The following ADGRA3 variants were observed in gnomAD, a reference collection of about 807,000 sequenced individuals.
ADGRA3 encodes adhesion G protein-coupled receptor A3, also known as G-protein coupled receptor 125.
A neutral mutation model predicts 119.8 loss-of-function variants in ADGRA3; 56 were observed. The ratio of observed to expected loss-of-function variants is 0.47; its 90% CI spans 0.38 to 0.58. The LOEUF (loss-of-function observed/expected upper bound fraction) is 0.58, where lower values mean the gene tolerates loss of function less well. Ranked by LOEUF, ADGRA3 falls within the 20% of genes least tolerant of loss-of-function variation. ADGRA3 has a pLI of 0.00. For missense variants in ADGRA3, 1,516 were observed against 1,649.0 expected (o/e 0.92, Z 1.40); for synonymous variants, 607 against 623.8 (o/e 0.97, Z 0.40).
intron 1 of ADGRA3, among the ~76,000 whole-genome samples, chr4:22,504,111 C>G (rs1577388393): frequency 6.6e-6 from 1 of 151,986 alleles, no homozygotes. Context: ...ATTTAGCCTT[C>G]TGTGTGTGTG....
intron 14 of ADGRA3, among the ~76,000 whole-genome samples, chr4:22,409,107 C>G (rs567772098): frequency 6.6e-6 from 1 of 152,286 alleles, no homozygotes; most frequent in African/African-American, 2.4e-5. Flanking sequence ...CAGGAACTGA[C>G]TAGAGAGAAA....
chr4:22,437,453 A>G (rs1287569543), intron 8 of ADGRA3, among the ~76,000 whole-genome samples: 5 of 152,208 alleles, frequency 3.3e-5, no homozygotes, highest in Admixed American at 1.3e-4. Context: ...AAACTGGGTA[A>G]TAAACAATCT....
chr4:22,411,956 C>CA (rs1715221684), intron 14 of ADGRA3, among the ~76,000 whole-genome samples: 1 of 150,064 alleles, frequency 6.7e-6, no homozygotes, highest in East Asian at 2.0e-4. Flanking sequence ...ACAACAACAA[C>CA]AACAAAAAAA....
intron 1 of ADGRA3, among the ~76,000 whole-genome samples, chr4:22,483,962 AAACTTC>A (rs1333659008): frequency 1.3e-5 from 2 of 149,770 alleles, no homozygotes; most frequent in Non-Finnish European, 3.0e-5. Flanking sequence ...AAAAACAGTT[AAACTTC>A]CAATGATGCA....
Position 22,388,839 on chromosome 4 carries a change from T to C in ADGRA3, c.2832A>G (p.Arg944=). 6.2e-7 allele frequency: 1 copy of C among 1,614,074 alleles called. No individual in the cohort carries two copies. Among genetic ancestry groups the C allele is most frequent in the Non-Finnish European group, 8.5e-7 (1 of 1,179,978 alleles). Residue 944 remains arginine (R), a synonymous_variant, in exon 19 of 19, where the codon AGA becomes AGG. Coordinates refer to ENST00000334304, the MANE Select transcript of ADGRA3 (RefSeq NM_145290.4). The part of the protein sequence containing the change: ...YFLSIFIQLK[R]HPERKYELKE... ...TAAGCTCATATTTGCGCTCAGGGTGTCTTTTCAACTGAATAAATATGCTCA... is the reference window on the plus strand; with the variant it reads ...TAAGCTCATATTTGCGCTCAGGGTGCCTTTTCAACTGAATAAATATGCTCA...
intron 4 of ADGRA3, among the ~76,000 whole-genome samples, chr4:22,449,905 T>C (rs1331091432): frequency 1.3e-5 from 2 of 152,042 alleles, no homozygotes; most frequent in Admixed American, 1.3e-4. Flanking sequence ...ATATGCATAT[T>C]ATTAGATATT....
chr4:22,388,767 G>T lies in ADGRA3; in HGVS notation c.2904C>A (p.Gly968=). The change falls in exon 19 of 19, where the codon GGC becomes GGA. Residue 968 remains glycine, a synonymous_variant. Transcript: ENST00000334304. ...ACATTGAATCCTGATGATTTATTTCGCCATTTTCATTGGCTGCCAATCTCT... is the reference window on the plus strand; with the variant it reads ...ACATTGAATCCTGATGATTTATTTCTCCATTTTCATTGGCTGCCAATCTCT... The part of the protein sequence containing the change: ...EQQRLAANEN[G]EINHQDSMSL... The T allele has an allele frequency of 6.2e-7, 1 of 1,613,920 alleles. No homozygotes were observed. The highest frequency in any genetic ancestry group is 8.5e-7 in the Non-Finnish European group (1 of 1,179,880).
At chr4:22,492,889 C>G (rs1718681061) in intron 1 of ADGRA3, among the ~76,000 whole-genome samples, 1 of 152,208 alleles carries the variant, frequency 6.6e-6, no homozygotes, top group Non-Finnish European at 1.5e-5. Flanking sequence ...CATATATTTA[C>G]AAGTGTGCAT....
Position 22,417,841 on chromosome 4 carries a change from C to T in ADGRA3, c.1809+3045G>A, listed in dbSNP as rs558686053. 4.6e-5 allele frequency among the ~76,000 whole-genome samples: 7 copies of T among 152,110 alleles called. No individual in the cohort carries two copies. In the South Asian group the frequency reaches 1.2e-3, roughly 27 times the overall value. ...GGGATGGACTGGAAAAGTGCAAAAACGAAGGCAGGAAGCAAGAAGATGCAT... is the reference window on the plus strand; with the variant it reads ...GGGATGGACTGGAAAAGTGCAAAAATGAAGGCAGGAAGCAAGAAGATGCAT... On this transcript the variant is annotated intron_variant, in intron 12 of 18. Transcript: ENST00000334304.
intron 1 of ADGRA3, among the ~76,000 whole-genome samples, chr4:22,505,776 G>C (rs1719215784): frequency 6.6e-6 from 1 of 152,096 alleles, no homozygotes; most frequent in Non-Finnish European, 1.5e-5. Flanking sequence ...CTAACCGAGG[G>C]GAGGTATGAC....
intron 1 of ADGRA3, among the ~76,000 whole-genome samples, chr4:22,482,638 C>G (rs1333035296): frequency 1.3e-5 from 2 of 152,150 alleles, no homozygotes; most frequent in Non-Finnish European, 2.9e-5. Flanking sequence ...GCACTCCAGC[C>G]TGGGCCACAG....
In ADGRA3 at chr4:22,447,447, G is replaced by A. The variant is rs773134595; in HGVS notation, c.538C>T (p.Arg180Trp). 5 of 1,541,472 alleles carry A rather than the reference G, an allele frequency of 3.2e-6. No homozygotes were observed. The highest frequency in any genetic ancestry group is 4.4e-6 in the Non-Finnish European group (5 of 1,142,178). The change falls in exon 5 of 19, where the codon CGG (arginine) becomes TGG (tryptophan). Residue 180 changes from arginine to tryptophan, a missense_variant. Physicochemically the swap from Arg to Trp is moderately radical, Grantham distance 101. Transcript: ENST00000334304. ...AAAAAAATTCTTACTTACAAAGACC[G>A]TAATGACGCAAGATAATCAAAAGTT... ...QGTFDYLASL[R>W]SLEFQTEYLL...
intron 10 of ADGRA3, among the ~76,000 whole-genome samples, chr4:22,426,907 A>G (rs889749132): frequency 6.6e-6 from 1 of 152,180 alleles, no homozygotes; most frequent in African/African-American, 2.4e-5. Context: ...GGTGAATGTC[A>G]TTCTACTAGA....
chr4:22,417,875 G>T (rs1469126991), intron 12 of ADGRA3, among the ~76,000 whole-genome samples: 1 of 152,142 alleles, frequency 6.6e-6, no homozygotes. Flanking sequence ...ATAATGACTA[G>T]CCTGAAAAAT....
At chr4:22,428,166 A>C (rs1306028657) in intron 10 of ADGRA3, among the ~76,000 whole-genome samples, 1 of 152,182 alleles carries the variant, frequency 6.6e-6, no homozygotes, top group Non-Finnish European at 1.5e-5. Context: ...TATAGTCTTT[A>C]ACACTGAAGA....
intron 1 of ADGRA3, among the ~76,000 whole-genome samples, chr4:22,475,544 G>A (rs1276440549): frequency 7.2e-5 from 11 of 151,996 alleles, no homozygotes; most frequent in East Asian, 1.9e-4. Flanking sequence ...TGGCTAAAAC[G>A]GTGAAACCCC....
At chr4:22,415,897 A>G (rs1715409942) in intron 12 of ADGRA3, among the ~76,000 whole-genome samples, 1 of 152,176 alleles carries the variant, frequency 6.6e-6, no homozygotes, top group Non-Finnish European at 1.5e-5. Context: ...AACCAGAGCT[A>G]TATACTCATG....
Position 22,497,925 on chromosome 4 carries a change from T to C in ADGRA3, c.257+17603A>G, listed in dbSNP as rs149632393. ...AACCACTTCACTCCAGCCTGGGCAA[T>C]AGAAAAAGACCCCATCTAAAAAAAA... On this transcript the variant is annotated intron_variant, in intron 1 of 18. Coordinates refer to ENST00000334304, the MANE Select transcript of ADGRA3 (RefSeq NM_145290.4). 9.0e-4 allele frequency among the ~76,000 whole-genome samples: 99 copies of C among 109,550 alleles called. 1 individual carries two copies. The highest frequency in any genetic ancestry group is 3.0e-3 in the African/African-American group (87 of 28,630). The allele number at this position is 109,550 out of a possible 152,430, so 71.9% of individuals were successfully genotyped here.
At chr4:22,473,116 T>A (rs1478995384) in intron 2 of ADGRA3, 2 of 152,154 alleles carry the variant, frequency 1.3e-5, no homozygotes, top group Non-Finnish European at 2.9e-5. Context: ...TGACATCACA[T>A]CCTCGCTTCT....
Sources: allele counts gnomAD v4.1 joint callset (sites outside exome capture counted in the v4.1 genomes callset), GRCh38; gene constraint gnomAD v4.1.1; transcripts MANE v1.5; gene names NCBI Gene and HGNC (gene_info 2026-07-23, HGNC 2026-07-21).